The following B9D1 variants were observed in gnomAD, a reference collection of about 807,000 sequenced individuals.
B9D1 encodes B9 domain containing 1, also known as B9 domain-containing protein 1.
Under a neutral mutation model 26.1 loss-of-function variants are expected in B9D1, and 20 were observed. The observed-to-expected ratio is 0.77, with a 90% CI of 0.54 to 1.12. The LOEUF (loss-of-function observed/expected upper bound fraction) is 1.12, where lower values mean the gene tolerates loss of function less well. Among genes scored for constraint, B9D1 ranks in the 50% most tolerant of loss-of-function variants. B9D1 has a pLI of 0.00. For missense variants in B9D1, 260 were observed against 273.7 expected, an observed-to-expected ratio of 0.95 and a Z score of 0.35; for synonymous variants, 105 against 103.1, an observed-to-expected ratio of 1.02 and a Z score of -0.11.
intron 3 of B9D1, among the ~76,000 whole-genome samples, chr17:19,353,997 T>G (rs1031699789): frequency 3.3e-5 from 5 of 152,146 alleles, no homozygotes; most frequent in Non-Finnish European, 7.4e-5. Flanking sequence ...AAAATTTCCC[T>G]CTATCCATGA....
rs34659490 is a variant in B9D1 at position 19,352,514 on chromosome 17, ATTTTTTTTT to A, written c.245-4643_245-4635del. Among the ~76,000 whole-genome samples the A allele has an allele frequency of 4.2e-5, 4 of 95,122 alleles. No homozygotes were observed. The South Asian group carries it at 1.1e-3, about 27-fold the overall frequency. The allele number at this position is 95,122 out of a possible 152,430, so 62.4% of individuals were successfully genotyped here. A position where few individuals can be genotyped will look rare whatever the true frequency, so the allele number is the denominator to read the frequency against. On this transcript the variant is annotated intron_variant, in intron 3 of 6. Transcript: ENST00000261499. ...TAGGCACCTGCCACGGGCCTGGCTAATTTTTTTTTTTTTTTTTTTTTTTTGAGACGGAGT... is the reference window on the plus strand; with the variant it reads ...TAGGCACCTGCCACGGGCCTGGCTAATTTTTTTTTTTTTTTGAGACGGAGT...
chr17:19,353,187 G>A (rs1909874432), intron 3 of B9D1, among the ~76,000 whole-genome samples: 1 of 150,930 alleles, frequency 6.6e-6, no homozygotes, highest in South Asian at 2.1e-4. Context: ...TGTTGGCCAG[G>A]CTGGTCTTGA....
downstream of B9D1, among the ~76,000 whole-genome samples, chr17:19,338,974 A>T (rs775705000): frequency 1.3e-5 from 2 of 152,208 alleles, no homozygotes; most frequent in Non-Finnish European, 2.9e-5. Flanking sequence ...TCTTTCCTAG[A>T]CATAAGCTGC....
At chr17:19,369,116 A>T (rs185681729) in intron 1 of B9D1, among the ~76,000 whole-genome samples, 1 of 152,316 alleles carries the variant, frequency 6.6e-6, no homozygotes, top group African/African-American at 2.4e-5. Context: ...GAAGCATGGC[A>T]AAGAGCTAGC....
At chr17:19,341,283 G>T, downstream of B9D1, 2 of 1,231,976 alleles carry the variant, frequency 1.6e-6, no homozygotes, top group Non-Finnish European at 2.0e-6. Context: ...TGGGTGAGGT[G>T]AGGCCATGGA....
At chr17:19,352,514 A>ATTTTTTTTT (rs34659490) in intron 3 of B9D1, among the ~76,000 whole-genome samples, 1 of 95,122 alleles carries the variant, frequency 1.1e-5, no homozygotes, top group Non-Finnish European at 2.0e-5. Flanking sequence ...GGCCTGGCTA[A>ATTTTTTTTT]TTTTTTTTTT....
chr17:19,352,982 CT>C (rs936160102), intron 3 of B9D1, among the ~76,000 whole-genome samples: 195 of 142,020 alleles, frequency 1.4e-3, no homozygotes, highest in Admixed American at 1.2e-3. Flanking sequence ...TTTACTACTT[CT>C]TTTTTTTTTT....
At chr17:19,344,498 C>G (rs1908457998) in intron 5 of B9D1, 1 of 277,874 alleles carries the variant, frequency 3.6e-6, no homozygotes, top group Non-Finnish European at 7.4e-6. Context: ...CCGGGGGTGT[C>G]AGGCCCCGCC....
Position 19,372,895 on chromosome 17 carries a change from G to A in B9D1, c.-298+4964C>T, listed in dbSNP as rs2152284941. 6.6e-6 allele frequency among the ~76,000 whole-genome samples: 1 copy of A among 152,328 alleles called. No individual in the cohort carries two copies. Among genetic ancestry groups the A allele is most frequent in the East Asian group, 1.9e-4 (1 of 5,188 alleles). ...CCACACCCACTCTTGCGGCAGAGGGGTGCGAACAGTTGGGCACATCTATTA... is the reference window on the plus strand; with the variant it reads ...CCACACCCACTCTTGCGGCAGAGGGATGCGAACAGTTGGGCACATCTATTA... On this transcript the variant is annotated intron_variant, in intron 1 of 5. Transcript: ENST00000477478. The surrounding 1 kb of genome is among the most constrained non-coding windows in gnomAD (Gnocchi z 4.4).
chr17:19,376,763 G>C (rs986739053), intron 1 of B9D1, among the ~76,000 whole-genome samples: 1 of 150,290 alleles, frequency 6.7e-6, no homozygotes, highest in East Asian at 1.9e-4. Context: ...CTCCAGCCTG[G>C]GCAACAGAGT....
intron 1 of B9D1, among the ~76,000 whole-genome samples, chr17:19,375,886 A>G (rs1034679760): frequency 6.6e-6 from 1 of 152,192 alleles, no homozygotes; most frequent in Non-Finnish European, 1.5e-5. Flanking sequence ...TGACCCAGCA[A>G]TCCCACTCCC....
At chr17:19,335,281 G>T, downstream of B9D1, 1 of 937,748 alleles carries the variant, frequency 1.1e-6, no homozygotes, top group Non-Finnish European at 1.5e-6. Context: ...CAGCCTTTTT[G>T]GCTAGATCCT....
At chr17:19,362,840 G>A (rs946399386), upstream of B9D1, 1 of 866,866 alleles carries the variant, frequency 1.2e-6, no homozygotes, top group African/African-American at 1.7e-5. Flanking sequence ...CGGGAGCGTT[G>A]ACCTGTCGGG....
chr17:19,364,317 T>A (rs538155770), upstream of B9D1: 1 of 152,006 alleles, frequency 6.6e-6, no homozygotes, highest in African/African-American at 2.4e-5. This position sits in a 1 kb window ranked among gnomAD's most constrained non-coding sequence, Gnocchi z 4.3. Context: ...GACTCCAGGA[T>A]AGGATGGGAG....
downstream of B9D1, among the ~76,000 whole-genome samples, chr17:19,340,046 C>G (rs977480600): frequency 8.6e-4 from 86 of 100,292 alleles, no homozygotes; most frequent in African/African-American, 2.0e-3. Context: ...CCCCCCCCCC[C>G]CCGGCTTCCC....
At chr17:19,358,554 T>G (rs1302708650) in intron 2 of B9D1, among the ~76,000 whole-genome samples, 1 of 152,164 alleles carries the variant, frequency 6.6e-6, no homozygotes, top group Non-Finnish European at 1.5e-5. Context: ...AATGGTCATT[T>G]CTCTATCCTC....
upstream of B9D1, among the ~76,000 whole-genome samples, chr17:19,363,297 A>C (rs551073529): frequency 6.6e-6 from 1 of 152,328 alleles, no homozygotes; most frequent in East Asian, 1.9e-4. Flanking sequence ...AGCTGGGGAA[A>C]CTGAGGCCCG....
rs1373767097 is a variant in B9D1, at chr17:19,372,748, T to G, written c.-298+5111A>C. On this transcript the variant is annotated intron_variant, in intron 1 of 5. Transcript: ENST00000477478. This position sits in a 1 kb window ranked among gnomAD's most constrained non-coding sequence, Gnocchi z 4.4. ...TGACGGAGCTGGATTCAAACCCAGG[T>G]GTTTCTGAAACCAAAGCGTGCCTTC... Among the ~76,000 whole-genome samples the G allele has an allele frequency of 6.6e-6, 1 of 152,150 alleles. No individual in the cohort carries two copies. Among genetic ancestry groups the G allele is most frequent in the African/African-American group, 2.4e-5 (1 of 41,430 alleles).
chr17:19,362,444 G>T, intron 1 of B9D1, 63 bp downstream of exon 1: 2 of 1,328,436 alleles, frequency 1.5e-6, no homozygotes, highest in Non-Finnish European at 1.0e-6. Context: ...AGCCCGGGGG[G>T]TTGCGGGAAG....
Sources: allele counts gnomAD v4.1 joint callset (sites outside exome capture counted in the v4.1 genomes callset), GRCh38; gene constraint gnomAD v4.1.1; non-coding constraint Gnocchi (gnomAD v3.1); transcripts MANE v1.5; gene names NCBI Gene and HGNC (gene_info 2026-07-23, HGNC 2026-07-21).